The following CLN6 variants were observed in gnomAD, a reference collection of about 807,000 sequenced individuals.
CLN6 encodes the protein ceroid-lipofuscinosis neuronal protein 6.
A neutral mutation model predicts 33.3 loss-of-function variants in CLN6; 22 were observed. That is an observed-to-expected ratio of 0.66 (90% CI 0.47 to 0.94). CLN6 has a LOEUF of 0.94. CLN6 is among the 40% of genes least tolerant of loss of function. CLN6 has a pLI of 0.00. For missense variants in CLN6, 387 were observed against 417.1 expected, an observed-to-expected ratio of 0.93 and a Z score of 0.63; for synonymous variants, 201 against 174.6, an observed-to-expected ratio of 1.15 and a Z score of -1.19.
chr15:68,212,097 A>G (rs2093207689), intron 3 of CLN6: 2 of 570,266 alleles, frequency 3.5e-6, no homozygotes, highest in Non-Finnish European at 6.3e-6. Flanking sequence ...CAGGGAGCAA[A>G]AAGACCAGAG....
chr15:68,237,921 G>A (rs915561790), intron 1 of CLN6, among the ~76,000 whole-genome samples: 45 of 152,048 alleles, frequency 3.0e-4, no homozygotes, highest in Admixed American at 5.2e-4. Context: ...TCAGGAGTTC[G>A]AGACCAGCCT....
intron 1 of CLN6, among the ~76,000 whole-genome samples, chr15:68,237,181 A>AAAC (rs1555440725): frequency 4.7e-5 from 7 of 149,408 alleles, no homozygotes; most frequent in African/African-American, 1.7e-4. Flanking sequence ...AAAAAAAAAA[A>AAAC]AAAAAAAACT....
At chr15:68,221,825 G>C (rs111571499) in intron 1 of CLN6, among the ~76,000 whole-genome samples, 21 of 121,618 alleles carry the variant, frequency 1.7e-4, no homozygotes, top group African/African-American at 2.6e-4. Flanking sequence ...AGTGAGGAGC[G>C]CCTCTGCCCA....
At chr15:68,217,330 CAGG>C (rs1361039551) in intron 2 of CLN6, among the ~76,000 whole-genome samples, 3 of 152,164 alleles carry the variant, frequency 2.0e-5, no homozygotes, top group Non-Finnish European at 4.4e-5. Context: ...TTCCCAGGCT[CAGG>C]AGATCTTCCC....
intron 1 of CLN6, chr15:68,255,038 C>T: frequency 4.7e-6 from 3 of 634,418 alleles, no homozygotes; most frequent in Non-Finnish European, 8.5e-6. Context: ...ACACAGAACA[C>T]TTCACTGTGT....
At chr15:68,212,153 G>T (rs180813370) in intron 3 of CLN6, 5 of 452,308 alleles carry the variant, frequency 1.1e-5, no homozygotes, top group Non-Finnish European at 1.6e-5. Context: ...TAGGCTGGAG[G>T]GGACAGCCCA....
rs2093232127 is a variant in CLN6 at position 68,220,329 on chromosome 15, G to C, written c.84-1679C>G. ...ACAGATGAGGATACTGAGGCTTAGA[G>C]GGATTAGGTGCTTAGCCAAAGCCAC... is the stretch of plus-strand genomic sequence containing the variant. On this transcript the variant is annotated intron_variant, in intron 1 of 6. Transcript: ENST00000249806. This position sits in a 1 kb window ranked among gnomAD's most constrained non-coding sequence, Gnocchi z 4.2. Among the ~76,000 whole-genome samples, 1 of 152,236 alleles carries C rather than the reference G, an allele frequency of 6.6e-6. No individual in the cohort carries two copies. Among genetic ancestry groups the C allele is most frequent in the African/African-American group, 2.4e-5 (1 of 41,468 alleles).
At position 68,210,875 on chromosome 15, in the gene CLN6, C is replaced by A. The variant is rs1235705229; in HGVS notation, c.542+388G>T. Among the ~76,000 whole-genome samples the A allele has an allele frequency of 6.6e-6, 1 of 152,184 alleles. No homozygotes were observed. Among genetic ancestry groups the A allele is most frequent in the African/African-American group, 2.4e-5 (1 of 41,454 alleles). On this transcript the variant is annotated intron_variant, in intron 5 of 6. Coordinates refer to ENST00000249806, the MANE Select transcript of CLN6 (RefSeq NM_017882.3). This position sits in a 1 kb window ranked among gnomAD's most constrained non-coding sequence, Gnocchi z 5.6. The stretch of plus-strand genomic sequence containing the variant: ...GGGTGGGGGTCCCTGGCTGTGCCCC[C>A]ACCCCCTGCCATCACCATCTGGGGG...
At chr15:68,218,131 T>G (rs1374404050) in intron 2 of CLN6, 3 of 235,182 alleles carry the variant, frequency 1.3e-5, no homozygotes, top group Non-Finnish European at 2.6e-5. Flanking sequence ...GAAAAAATAA[T>G]ACTATCCCAA....
In CLN6 at chr15:68,208,617, G is replaced by A. The variant is rs1468946692; in HGVS notation, c.666-207C>T. On this transcript the variant is annotated intron_variant, in intron 6 of 6. Coordinates refer to ENST00000249806, the MANE Select transcript of CLN6 (RefSeq NM_017882.3). This position sits in a 1 kb window ranked among gnomAD's most constrained non-coding sequence, Gnocchi z 5.8. ...ATAGTTACTGTTTTTTAAATGTTGA[G>A]TTTGTTGCCAATATTTAAATAACAG... is the stretch of plus-strand genomic sequence containing the variant. Among the ~76,000 whole-genome samples the A allele has an allele frequency of 1.3e-5, 2 of 152,202 alleles. No homozygotes were observed. The highest frequency in any genetic ancestry group is 1.5e-5 in the Non-Finnish European group (1 of 68,036).
chr15:68,229,590 C>T lies in CLN6; in HGVS notation c.-6G>A, dbSNP rs1010595861. 1.6e-5 allele frequency: 24 copies of T among 1,460,690 alleles called. No individual in the cohort carries two copies. The highest frequency in any genetic ancestry group is 5.9e-5 in the African/African-American group (4 of 67,792). 90.5% of individuals were successfully genotyped at this position (1,460,690 alleles called of 1,614,324 possible). On this transcript the variant is annotated 5_prime_UTR_variant, in exon 1 of 7. Coordinates refer to ENST00000249806, the MANE Select transcript of CLN6 (RefSeq NM_017882.3). ...CGCCTCCGCGTCGCCTCCATGGCTG[C>T]CCCGCAGGCCCCTCGGCCCTGCCTT...
At chr15:68,249,529 G>A (rs1157016680) in intron 1 of CLN6, among the ~76,000 whole-genome samples, 2 of 152,176 alleles carry the variant, frequency 1.3e-5, no homozygotes, top group Non-Finnish European at 2.9e-5. Flanking sequence ...TAGCAACATA[G>A]ATAGAACTGG....
intron 1 of CLN6, among the ~76,000 whole-genome samples, chr15:68,252,612 G>A (rs1363254370): frequency 6.6e-6 from 1 of 152,182 alleles, no homozygotes; most frequent in African/African-American, 2.4e-5. Flanking sequence ...GGAAGTTCTT[G>A]CACAAGCATA....
chr15:68,252,930 G>A (rs1387270406), intron 1 of CLN6, among the ~76,000 whole-genome samples: 1 of 152,262 alleles, frequency 6.6e-6, no homozygotes, highest in African/African-American at 2.4e-5. Context: ...TACCTCTGGT[G>A]AGGAGGTAGA....
intron 1 of CLN6, among the ~76,000 whole-genome samples, chr15:68,239,781 A>G (rs1431108840): frequency 6.6e-6 from 1 of 152,218 alleles, no homozygotes; most frequent in African/African-American, 2.4e-5. Context: ...TTCAACAATC[A>G]AGGAACAGGC....
Position 68,209,833 on chromosome 15 carries a change from A to G in CLN6, c.543-74T>C. On this transcript the variant is annotated intron_variant, in intron 5 of 6. Transcript: ENST00000249806. The surrounding 1 kb of genome is among the most constrained non-coding windows in gnomAD (Gnocchi z 4.9). ...CCCCACAACCTCTGCAACCACTCCC[A>G]TGGGGTCTCATGGAGTGCCACGTCA... 3 of 1,578,922 alleles carry G rather than the reference A, an allele frequency of 1.9e-6. No homozygotes were observed. The South Asian group carries it at 3.3e-5, about 18-fold the overall frequency.
intron 1 of CLN6, among the ~76,000 whole-genome samples, chr15:68,240,985 C>CAA (rs35820727): frequency 9.5e-5 from 6 of 63,348 alleles, no homozygotes; most frequent in Admixed American, 3.0e-4. Flanking sequence ...CTCCATCTCC[C>CAA]AAAAAAAAAA....
At chr15:68,225,826 A>C (rs1373248796) in intron 1 of CLN6, among the ~76,000 whole-genome samples, 1 of 151,728 alleles carries the variant, frequency 6.6e-6, no homozygotes, top group Non-Finnish European at 1.5e-5. Context: ...TACAAAAATT[A>C]GATGGGCGTG....
At chr15:68,235,476 AG>A (rs1892210112) in intron 1 of CLN6, among the ~76,000 whole-genome samples, 1 of 151,950 alleles carries the variant, frequency 6.6e-6, no homozygotes, top group African/African-American at 2.4e-5. Context: ...GACCCACAGC[AG>A]GAGAATCACT....
Sources: allele counts gnomAD v4.1 joint callset (sites outside exome capture counted in the v4.1 genomes callset), GRCh38; gene constraint gnomAD v4.1.1; non-coding constraint Gnocchi (gnomAD v3.1); transcripts MANE v1.5; gene names NCBI Gene and HGNC (gene_info 2026-07-23, HGNC 2026-07-21).